The following SGK3 variants were observed in gnomAD, a reference collection of about 807,000 sequenced individuals.
The protein encoded by SGK3 is serum/glucocorticoid regulated kinase family member 3, also known as serine/threonine-protein kinase Sgk3.
SGK3 carries 47 observed loss-of-function variants against 68.5 expected under a neutral mutation model. The observed-to-expected ratio is 0.69, with a 90% CI of 0.54 to 0.87. The LOEUF is 0.87. Among genes scored for constraint, SGK3 ranks in the 40% least tolerant of loss-of-function variants. The pLI, the probability that SGK3 is intolerant of heterozygous loss-of-function variation, is 0.00. For synonymous variants in SGK3, 181 were observed against 189.1 expected (o/e 0.96, Z 0.35); for missense variants, 479 against 575.5 (o/e 0.83, Z 1.72).
At chr8:66,830,748 CTG>C (rs1809271120) in intron 7 of SGK3, among the ~76,000 whole-genome samples, 1 of 152,208 alleles carries the variant, frequency 6.6e-6, no homozygotes, top group Non-Finnish European at 1.5e-5. Context: ...ATATGAAACA[CTG>C]TAATGACTTT....
chr8:66,738,504 G>A (rs1353191768), intron 1 of SGK3, among the ~76,000 whole-genome samples: 1 of 152,118 alleles, frequency 6.6e-6, no homozygotes, highest in African/African-American at 2.4e-5. Flanking sequence ...TTATCTACTG[G>A]CATTCCCCGG....
intron 1 of SGK3, among the ~76,000 whole-genome samples, chr8:66,788,131 G>A (rs1807285349): frequency 6.6e-6 from 1 of 152,174 alleles, no homozygotes; most frequent in Non-Finnish European, 1.5e-5. Flanking sequence ...CTTAAATGTG[G>A]GTCTAGAAAA....
At chr8:66,840,153 A>G in intron 11 of SGK3, 38 bp downstream of exon 11, 5 of 1,600,416 alleles carry the variant, frequency 3.1e-6, no homozygotes, top group South Asian at 1.1e-5. Context: ...ATTGTATATA[A>G]CAATATTTTA....
At chr8:66,807,090 G>A (rs987386841) in intron 4 of SGK3, among the ~76,000 whole-genome samples, 8 of 152,016 alleles carry the variant, frequency 5.3e-5, no homozygotes, top group African/African-American at 1.9e-4. Flanking sequence ...ATGAGTATGG[G>A]GACTAGGGTA....
intron 5 of SGK3, among the ~76,000 whole-genome samples, chr8:66,814,170 A>G (rs1034897452): frequency 2.6e-5 from 4 of 152,162 alleles, no homozygotes; most frequent in Non-Finnish European, 5.9e-5. Flanking sequence ...GAATTTGCAT[A>G]ATAAATTAAA....
Position 66,737,617 on chromosome 8 carries a change from C to CTT in SGK3, c.-122+24801_-122+24802dup, listed in dbSNP as rs552425622. 7.4e-3 allele frequency: 1,008 copies of CTT among 135,868 alleles called. 15 individuals carry two copies. The highest frequency in any genetic ancestry group is 0.025 in the African/African-American group (905 of 36,380). 8.4% of individuals were successfully genotyped at this position (135,868 alleles called of 1,614,324 possible). ...CCTACCCGGACCCAGACCCCTTTATCTTTTTTTTTTTTTTTTTTGACAGAG... is the reference window on the plus strand; with the variant it reads ...CCTACCCGGACCCAGACCCCTTTATCTTTTTTTTTTTTTTTTTTTTGACAGAG... On this transcript the variant is annotated intron_variant, in intron 1 of 16. Transcript: ENST00000521198.
chr8:66,760,330 C>CTTTT (rs201559163), intron 1 of SGK3, among the ~76,000 whole-genome samples: 30 of 115,648 alleles, frequency 2.6e-4, no homozygotes, highest in Non-Finnish European at 3.3e-4. Context: ...TTTCTTTTTT[C>CTTTT]TTTTTTTTTT....
chr8:66,737,782 A>G (rs1805368292), intron 1 of SGK3: 1 of 151,800 alleles, frequency 6.6e-6, no homozygotes, highest in African/African-American at 2.4e-5. Flanking sequence ...TGCCCGGCTA[A>G]TTTTTTGTGT....
intron 1 of SGK3, among the ~76,000 whole-genome samples, chr8:66,771,237 A>G (rs997602326): frequency 3.3e-5 from 5 of 150,890 alleles, no homozygotes; most frequent in Non-Finnish European, 7.4e-5. Context: ...ATGAAGTGTG[A>G]TTGTTATTTA....
intron 1 of SGK3, among the ~76,000 whole-genome samples, chr8:66,791,945 TGC>T (rs1807474552): frequency 1.3e-5 from 2 of 152,226 alleles, no homozygotes; most frequent in Admixed American, 1.3e-4. Context: ...GGCTTTAGAA[TGC>T]TATAATTTAC....
intron 1 of SGK3, among the ~76,000 whole-genome samples, chr8:66,734,588 A>G (rs1805263756): frequency 6.6e-6 from 1 of 152,140 alleles, no homozygotes; most frequent in Non-Finnish European, 1.5e-5. Context: ...TTCTATACAC[A>G]GTACTCCCCC....
At chr8:66,814,021 T>C in intron 5 of SGK3, 93 bp downstream of exon 5, 1 of 1,037,008 alleles carries the variant, frequency 9.6e-7, no homozygotes, top group African/African-American at 1.7e-5. Flanking sequence ...TTCTATGAAA[T>C]GTTACTGTGC....
At chr8:66,763,545 A>G (rs185862098) in intron 1 of SGK3, among the ~76,000 whole-genome samples, 3 of 152,274 alleles carry the variant, frequency 2.0e-5, no homozygotes, top group Admixed American at 2.0e-4. Flanking sequence ...TAATCTTGGT[A>G]CTAGGGGTGT....
At chr8:66,791,851 G>A (rs1253165174) in intron 1 of SGK3, among the ~76,000 whole-genome samples, 5 of 152,194 alleles carry the variant, frequency 3.3e-5, no homozygotes, top group Non-Finnish European at 7.3e-5. Flanking sequence ...CTCATGCTTA[G>A]ACAGTAGATT....
intron 14 of SGK3, among the ~76,000 whole-genome samples, chr8:66,846,769 AT>A (rs1810040348): frequency 6.6e-6 from 1 of 152,236 alleles, no homozygotes; most frequent in Non-Finnish European, 1.5e-5. Flanking sequence ...AAGAAACATT[AT>A]CTTCAGGCCT....
intron 16 of SGK3, among the ~76,000 whole-genome samples, chr8:66,854,051 T>A (rs960489212): frequency 1.3e-5 from 2 of 152,212 alleles, no homozygotes; most frequent in Non-Finnish European, 2.9e-5. Flanking sequence ...ATCCTAACAT[T>A]CCATTCTATG....
intron 4 of SGK3, among the ~76,000 whole-genome samples, chr8:66,810,041 G>A (rs1452017636): frequency 7.2e-5 from 11 of 152,112 alleles, no homozygotes; most frequent in Admixed American, 6.6e-5. Context: ...ACCATATTCC[G>A]CTCATTAGAA....
Position 66,793,815 on chromosome 8 carries a change from A to G in SGK3, c.79A>G (p.Lys27Glu). 1 of 1,612,950 alleles carries G rather than the reference A, an allele frequency of 6.2e-7. No individual in the cohort carries two copies. Among genetic ancestry groups the G allele is most frequent in the South Asian group, 1.1e-5 (1 of 90,958 alleles). The change falls in exon 2 of 17, where the codon AAA (lysine) becomes GAA (glutamate). Residue 27 changes from lysine (K) to glutamate (E), a missense_variant. Lys to Glu is a moderately conservative substitution (Grantham distance 56, BLOSUM62 1). Transcript: ENST00000521198. Reference sequence around the variant, plus strand: ...TCCCAGCTCCGATGAACACAGAGAGAAAAAGAAGAGGTTTACTGTAAGTAT... The same window carrying G: ...TCCCAGCTCCGATGAACACAGAGAGGAAAAGAAGAGGTTTACTGTAAGTAT... ...SIPSSDEHREKKKRFTVYKVL... is the reference protein window; with the variant it reads ...SIPSSDEHREEKKRFTVYKVL...
At position 66,842,462 on chromosome 8, in the gene SGK3, C is replaced by T. The variant is rs1160247351; in HGVS notation, c.979-990C>T. Among the ~76,000 whole-genome samples, 4 of 151,952 alleles carry T rather than the reference C, an allele frequency of 2.6e-5. No individual in the cohort carries two copies. The East Asian group carries it at 7.7e-4, about 29-fold the overall frequency. On this transcript the variant is annotated intron_variant, in intron 13 of 16. Transcript: ENST00000521198. ...GTCTCGATCTCCTGACCTTGTGATC[C>T]ACCCGCCTCAGCCTCCCAATATTTT...
Sources: gnomAD v4.1 joint callset for allele counts (sites outside exome capture counted in the v4.1 genomes callset) on GRCh38, gnomAD v4.1.1 for gene constraint, MANE v1.5 for transcripts, NCBI Gene and HGNC (gene_info 2026-07-23, HGNC 2026-07-21) for gene names.